Variants in BRME1 observed in about 807,000 individuals in gnomAD.
The protein encoded by BRME1 is break repair meiotic recombinase recruitment factor 1, also known as BRCA2 and MEILB2-associating protein 1.
A neutral mutation model predicts 52.6 loss-of-function variants in BRME1; 31 were observed. The ratio of observed to expected loss-of-function variants is 0.59; its 90% confidence interval spans 0.44 to 0.80. The LOEUF (loss-of-function observed/expected upper bound fraction) is 0.80, where lower values mean the gene tolerates loss of function less well. BRME1 is among the 30% of genes least tolerant of loss of function. The pLI, the probability that BRME1 is intolerant of heterozygous loss-of-function variation, is 0.00. For synonymous variants in BRME1, 359 were observed against 353.6 expected (o/e 1.02, Z -0.17); for missense variants, 804 against 860.3 (o/e 0.93, Z 0.82).
At chr19:13,895,340 G>C in intron 3 of BRME1, 32 bp downstream of exon 3, 1 of 1,599,548 alleles carries the variant, frequency 6.3e-7, no homozygotes, top group Non-Finnish European at 8.5e-7. Flanking sequence ...CTGTCAGTGG[G>C]GAGACCTGCC....
chr19:13,885,794 G>A (rs1968969731), intron 7 of BRME1, among the ~76,000 whole-genome samples, 167 bp downstream of exon 7: 1 of 152,216 alleles, frequency 6.6e-6, no homozygotes, highest in African/African-American at 2.4e-5. Flanking sequence ...TGCTTTCGGG[G>A]AGCAGGGGAA....
intron 2 of BRME1, among the ~76,000 whole-genome samples, chr19:13,897,093 C>T (rs1451483565): frequency 6.7e-6 from 1 of 148,626 alleles, no homozygotes; most frequent in Non-Finnish European, 1.5e-5. Flanking sequence ...GGCTGGAGTG[C>T]AATGGCACGA....
chr19:13,883,566 G>T lies in BRME1; in HGVS notation c.1764-166C>A. 1 of 583,938 alleles carries T rather than the reference G, an allele frequency of 1.7e-6. No individual in the cohort carries two copies. Among genetic ancestry groups the T allele is most frequent in the Non-Finnish European group, 3.1e-6 (1 of 325,828 alleles). 36.2% of individuals were successfully genotyped at this position (583,938 alleles called of 1,614,324 possible). ...GATGGCCAACCCAGCTGGCTCCACT[G>T]CCCAGCAGGCCCAGAACCCAACCGC... On this transcript the variant is annotated intron_variant, in intron 7 of 8. Transcript: ENST00000586783. This position sits in a 1 kb window ranked among gnomAD's most constrained non-coding sequence, Gnocchi z 4.2.
intron 6 of BRME1, among the ~76,000 whole-genome samples, chr19:13,887,585 C>T (rs1969127952): frequency 6.6e-6 from 1 of 152,224 alleles, no homozygotes; most frequent in Admixed American, 6.5e-5. Context: ...CCAGCCTTCT[C>T]TCCAAGCCAC....
In BRME1 at chr19:13,883,938, ACT is replaced by A. The variant is rs950550254; in HGVS notation, c.1764-540_1764-539del. 1.2e-4 allele frequency among the ~76,000 whole-genome samples: 18 copies of A among 149,642 alleles called. No homozygotes were observed. Among genetic ancestry groups the A allele is most frequent in the Admixed American group, 6.0e-4 (9 of 15,002 alleles). On this transcript the variant is annotated intron_variant, in intron 7 of 8. Transcript: ENST00000586783. This position sits in a 1 kb window ranked among gnomAD's most constrained non-coding sequence, Gnocchi z 4.2. ...TCTCCGCTGCCTTTTTTTCCCCAACACTCTGCCATCTGACTATCTAATCTGCT... is the reference window on the plus strand; with the variant it reads ...TCTCCGCTGCCTTTTTTTCCCCAACACTGCCATCTGACTATCTAATCTGCT...
In BRME1 at chr19:13,883,298, C is replaced by A; in HGVS notation, c.1856+10G>T. On this transcript the variant is annotated intron_variant, in intron 8 of 8. Transcript: ENST00000586783. The surrounding 1 kb of genome is among the most constrained non-coding windows in gnomAD (Gnocchi z 4.2). ...AGACCCTGTGCCGTGAGTCCAAGCC[C>A]ACCCCGTACTTCAGGTTGGAGAGCT... 1 of 1,531,170 alleles carries A rather than the reference C, an allele frequency of 6.5e-7. No homozygotes were observed. Among genetic ancestry groups the A allele is most frequent in the Admixed American group, 2.0e-5 (1 of 50,908 alleles). The allele number at this position is 1,531,170 out of a possible 1,614,324, so 94.8% of individuals were successfully genotyped here.
intron 2 of BRME1, among the ~76,000 whole-genome samples, chr19:13,900,668 GTT>G (rs1426900308): frequency 1.3e-5 from 2 of 151,966 alleles, no homozygotes; most frequent in African/African-American, 4.8e-5. Context: ...CATATTGGGA[GTT>G]TGTCTTTCTG....
intron 8 of BRME1, 24 bp from the exon 9 acceptor site, chr19:13,882,976 G>A (rs755906171): frequency 2.4e-5 from 38 of 1,607,192 alleles, no homozygotes; most frequent in Admixed American, 2.0e-4. Context: ...ACAGGCATGC[G>A]TGTGGGGCTC....
chr19:13,893,311 G>T (rs1969650681), intron 3 of BRME1, 88 bp from the exon 4 acceptor site: 1 of 1,155,528 alleles, frequency 8.7e-7, no homozygotes, highest in Non-Finnish European at 1.2e-6. Flanking sequence ...GGCTGAGGCG[G>T]GCAGATCACC....
intron 2 of BRME1, among the ~76,000 whole-genome samples, chr19:13,897,383 C>T (rs1434369316): frequency 6.6e-6 from 1 of 152,148 alleles, no homozygotes; most frequent in Non-Finnish European, 1.5e-5. Context: ...TTCCCCAAGC[C>T]TGGCCCCAAC....
At chr19:13,884,782 G>A (rs1444939754) in intron 7 of BRME1, among the ~76,000 whole-genome samples, 2 of 151,968 alleles carry the variant, frequency 1.3e-5, no homozygotes, top group Non-Finnish European at 2.9e-5. Context: ...CCCAGGCTTC[G>A]CAGCACCTCC....
In BRME1 at chr19:13,905,801, T is replaced by C. The variant is rs183014978; in HGVS notation, c.-108A>G. Reference sequence around the variant, plus strand: ...AGTTGGGAATAAGTCGCTTGAATTATCCGCGTTACTCTTTTTGGAAAAAAT... The same window carrying C: ...AGTTGGGAATAAGTCGCTTGAATTACCCGCGTTACTCTTTTTGGAAAAAAT... On this transcript the variant is annotated 5_prime_UTR_variant, in exon 1 of 9. Transcript: ENST00000586783. The C allele has an allele frequency of 6.6e-6, 1 of 152,190 alleles. No homozygotes were observed. Among genetic ancestry groups the C allele is most frequent in the Admixed American group, 6.5e-5 (1 of 15,272 alleles). 9.4% of individuals were successfully genotyped at this position (152,190 alleles called of 1,614,324 possible).
intron 2 of BRME1, among the ~76,000 whole-genome samples, chr19:13,900,108 GC>G (rs1173684424): frequency 6.6e-6 from 1 of 152,134 alleles, no homozygotes; most frequent in Non-Finnish European, 1.5e-5. Context: ...TGACTGAATG[GC>G]CATTTGTACC....
Position 13,883,472 on chromosome 19 carries a change from C to CT in BRME1, c.1764-73dup. The CT allele has an allele frequency of 8.6e-7, 1 of 1,160,660 alleles. No individual in the cohort carries two copies. The highest frequency in any genetic ancestry group is 1.2e-6 in the Non-Finnish European group (1 of 808,424). The allele number at this position is 1,160,660 out of a possible 1,614,324, so 71.9% of individuals were successfully genotyped here. On this transcript the variant is annotated intron_variant, in intron 7 of 8. Transcript: ENST00000586783. This position sits in a 1 kb window ranked among gnomAD's most constrained non-coding sequence, Gnocchi z 4.2. The stretch of plus-strand genomic sequence containing the variant: ...TACCAGAGCTCTCCAGTGGGAGGGG[C>CT]TTCCGCAGGGCCTCGCGCCATCTTT...
At position 13,883,467 on chromosome 19, in the gene BRME1, A is replaced by AG. The variant is rs1453845231; in HGVS notation, c.1764-68dup. 8.2e-7 allele frequency: 1 copy of AG among 1,226,414 alleles called. No individual in the cohort carries two copies. The highest frequency in any genetic ancestry group is 1.5e-5 in the African/African-American group (1 of 66,892). 76.0% of individuals were successfully genotyped at this position (1,226,414 alleles called of 1,614,324 possible). On this transcript the variant is annotated intron_variant, in intron 7 of 8. Transcript: ENST00000586783. The surrounding 1 kb of genome is among the most constrained non-coding windows in gnomAD (Gnocchi z 4.2). The stretch of plus-strand genomic sequence containing the variant: ...TGGACTACCAGAGCTCTCCAGTGGG[A>AG]GGGGCTTCCGCAGGGCCTCGCGCCA...
intron 6 of BRME1, 32 bp downstream of exon 6, chr19:13,889,156 C>A: frequency 2.6e-6 from 4 of 1,521,890 alleles, no homozygotes; most frequent in Non-Finnish European, 3.5e-6. Flanking sequence ...CTGCCCTGGG[C>A]AGGTATGTCT....
chr19:13,890,769 A>G (rs1268763376), intron 5 of BRME1, among the ~76,000 whole-genome samples: 1 of 152,108 alleles, frequency 6.6e-6, no homozygotes, highest in Non-Finnish European at 1.5e-5. Flanking sequence ...CAGGAGGCTG[A>G]GGCAGGAGAA....
Position 13,888,052 on chromosome 19 carries a change from G to A in BRME1, c.1668+1136C>T, listed in dbSNP as rs150153591. On this transcript the variant is annotated intron_variant, in intron 6 of 8. Transcript: ENST00000586783. This position sits in a 1 kb window ranked among gnomAD's most constrained non-coding sequence, Gnocchi z 4.1. Reference sequence around the variant, plus strand: ...TGATTCTTCTGCCTCAGCCTCCGGAGTAGCTGGGATTAGAGGCACACGCCA... The same window carrying A: ...TGATTCTTCTGCCTCAGCCTCCGGAATAGCTGGGATTAGAGGCACACGCCA... Among the ~76,000 whole-genome samples, 1,164 of 152,246 alleles carry A rather than the reference G, an allele frequency of 7.6e-3. 15 individuals are homozygous for A. The highest frequency in any genetic ancestry group is 0.027 in the African/African-American group (1,105 of 41,550).
In BRME1 at chr19:13,882,622, C is replaced by T; in HGVS notation, c.*180G>A. On this transcript the variant is annotated 3_prime_UTR_variant, in exon 9 of 9. Transcript: ENST00000586783. ...CCTGAAGCCAAGGGTGGCAAATGACCTTGACCCTGGCCAGGTGAGGCCAGG... is the reference window on the plus strand; with the variant it reads ...CCTGAAGCCAAGGGTGGCAAATGACTTTGACCCTGGCCAGGTGAGGCCAGG... 4.2e-5 allele frequency: 31 copies of T among 740,988 alleles called. 1 individual carries two copies. The South Asian group carries it at 5.9e-4, about 14-fold the overall frequency. 45.9% of individuals were successfully genotyped at this position (740,988 alleles called of 1,614,324 possible).
Sources: gnomAD v4.1 joint callset for allele counts (sites outside exome capture counted in the v4.1 genomes callset) on GRCh38, gnomAD v4.1.1 for gene constraint, Gnocchi (gnomAD v3.1) non-coding constraint, MANE v1.5 for transcripts, NCBI Gene and HGNC (gene_info 2026-07-23, HGNC 2026-07-21) for gene names.